KIRREL3: variants seen among roughly 807,000 people sequenced by gnomAD.
The protein encoded by KIRREL3 is kin of IRRE-like protein 3.
KIRREL3 carries 36 observed loss-of-function variants against 89.7 expected under a neutral mutation model. That is an observed-to-expected ratio of 0.40 (90% CI 0.31 to 0.53). KIRREL3 has a LOEUF of 0.53. Among genes scored for constraint, KIRREL3 ranks in the 20% least tolerant of loss-of-function variants. The probability of loss-of-function intolerance (pLI) is 0.49; values close to 1 mark genes in which losing one functional copy is unlikely to be tolerated. For missense variants in KIRREL3, 864 were observed against 1,056.6 expected (o/e 0.82, Z 2.53); for synonymous variants, 445 against 441.4 (o/e 1.01, Z -0.10).
rs531839490 is a variant in KIRREL3 at position 126,426,851 on chromosome 11, C to T, written c.1807-1127G>A. ...AAGGAGACCATGCGGTTCATTTTTC[C>T]AGTAAATGCTCTGGCACTGTCTGGA... is the stretch of plus-strand genomic sequence containing the variant. On this transcript the variant is annotated intron_variant, in intron 15 of 16. Transcript: ENST00000525144. Among the ~76,000 whole-genome samples the T allele has an allele frequency of 3.9e-5, 6 of 152,348 alleles. No individual in the cohort carries two copies. The East Asian group carries it at 1.2e-3, about 29-fold the overall frequency.
Position 126,608,810 on chromosome 11 carries a change from C to T in KIRREL3, c.56-45898G>A, listed in dbSNP as rs548067839. 2.6e-5 allele frequency among the ~76,000 whole-genome samples: 4 copies of T among 152,270 alleles called. No homozygotes were observed. In the East Asian group the frequency reaches 7.7e-4, roughly 29 times the overall value. ...ACTTGCATTTCCTGGGGCCTAACTG[C>T]TGGGAGTGCACTTCTGGAGTGGAGA... On this transcript the variant is annotated intron_variant, in intron 1 of 16. Transcript: ENST00000525144. The surrounding 1 kb of genome is among the most constrained non-coding windows in gnomAD (Gnocchi z 4.9).
chr11:126,596,108 C>G (rs1481736426), intron 1 of KIRREL3, among the ~76,000 whole-genome samples: 1 of 152,160 alleles, frequency 6.6e-6, no homozygotes, highest in Non-Finnish European at 1.5e-5. Flanking sequence ...GAAAGCCCTA[C>G]GAGCCTGGCT....
intron 7 of KIRREL3, 29 bp from the exon 8 acceptor site, chr11:126,449,186 G>A (rs767444382): frequency 1.2e-6 from 2 of 1,609,748 alleles, no homozygotes; most frequent in Non-Finnish European, 1.7e-6. Flanking sequence ...GCTGATGTGG[G>A]CCTTGAGTGG....
chr11:126,852,275 A>G (rs1944369013), intron 1 of KIRREL3, among the ~76,000 whole-genome samples: 1 of 151,990 alleles, frequency 6.6e-6, no homozygotes, highest in African/African-American at 2.4e-5. Flanking sequence ...GATGGTCTCG[A>G]TCTTTCGACC....
intron 1 of KIRREL3, among the ~76,000 whole-genome samples, chr11:126,637,904 A>G (rs569503005): frequency 5.9e-5 from 9 of 152,340 alleles, no homozygotes; most frequent in African/African-American, 1.7e-4. Flanking sequence ...TGACCATTGT[A>G]CAGTGGAAAA....
rs976172017 is a variant in KIRREL3 at position 126,754,115 on chromosome 11, C to A, written c.56-191203G>T. ...TCTGTTTTCCCTGGAAACTGCATAACCATTTGAATTAATTTAATTTGAAAT... is the reference window on the plus strand; with the variant it reads ...TCTGTTTTCCCTGGAAACTGCATAAACATTTGAATTAATTTAATTTGAAAT... On this transcript the variant is annotated intron_variant, in intron 1 of 16. Transcript: ENST00000525144. This position sits in a 1 kb window ranked among gnomAD's most constrained non-coding sequence, Gnocchi z 5.1. 6.6e-6 allele frequency among the ~76,000 whole-genome samples: 1 copy of A among 152,086 alleles called. No homozygotes were observed. Among genetic ancestry groups the A allele is most frequent in the Non-Finnish European group, 1.5e-5 (1 of 68,028 alleles).
At chr11:126,507,727 G>A (rs1357226732) in intron 4 of KIRREL3, among the ~76,000 whole-genome samples, 1 of 152,176 alleles carries the variant, frequency 6.6e-6, no homozygotes, top group Non-Finnish European at 1.5e-5. Flanking sequence ...TCTAATCAAA[G>A]GTTTTTGAGG....
At chr11:126,449,850 C>T (rs1955960896) in intron 7 of KIRREL3, among the ~76,000 whole-genome samples, 1 of 152,226 alleles carries the variant, frequency 6.6e-6, no homozygotes, top group African/African-American at 2.4e-5. Flanking sequence ...TCTCCTCGCC[C>T]CAGAAAGTCC....
intron 11 of KIRREL3, among the ~76,000 whole-genome samples, chr11:126,439,716 C>T (rs781370252): frequency 4.6e-5 from 7 of 151,066 alleles, no homozygotes; most frequent in South Asian, 2.1e-4. Context: ...ACTCAAGAGG[C>T]GCTGAGGCAT....
intron 1 of KIRREL3, among the ~76,000 whole-genome samples, chr11:126,871,272 G>A (rs1945099431): frequency 6.6e-6 from 1 of 152,150 alleles, no homozygotes; most frequent in Non-Finnish European, 1.5e-5. Flanking sequence ...TTCTAAGTCT[G>A]AGTGGGGAGG....
Position 126,510,009 on chromosome 11 carries a change from A to AAAAG in KIRREL3, c.433+11305_433+11306insCTTT, listed in dbSNP as rs1332007639. ...TCCGTCTCAAAAAAAAAAAAAAAAA[A>AAAAG]AAAAAAAAAGAAAAAAGAAAAAAAG... is the stretch of plus-strand genomic sequence containing the variant. On this transcript the variant is annotated intron_variant, in intron 4 of 16. Transcript: ENST00000525144. 7.3e-4 allele frequency among the ~76,000 whole-genome samples: 109 copies of AAAAG among 150,110 alleles called. 2 individuals are homozygous for AAAAG. The highest frequency in any genetic ancestry group is 2.4e-3 in the African/African-American group (98 of 40,530).
In KIRREL3 at chr11:126,636,719, T is replaced by A. The variant is rs766419175; in HGVS notation, c.56-73807A>T. Reference sequence around the variant, plus strand: ...TTTGCTGGTTACGGTTGTGGCCTGATGGGCTAAGCTAGGCCCTTTGTACCA... The same window carrying A: ...TTTGCTGGTTACGGTTGTGGCCTGAAGGGCTAAGCTAGGCCCTTTGTACCA... On this transcript the variant is annotated intron_variant, in intron 1 of 16. Coordinates refer to ENST00000525144, the MANE Select transcript of KIRREL3 (RefSeq NM_032531.4). The surrounding 1 kb of genome is among the most constrained non-coding windows in gnomAD (Gnocchi z 4.4). Among the ~76,000 whole-genome samples the A allele has an allele frequency of 6.6e-6, 1 of 152,224 alleles. No individual in the cohort carries two copies. Among genetic ancestry groups the A allele is most frequent in the Non-Finnish European group, 1.5e-5 (1 of 68,044 alleles).
chr11:126,885,144 A>C (rs543656625), intron 1 of KIRREL3, among the ~76,000 whole-genome samples: 10 of 152,308 alleles, frequency 6.6e-5, no homozygotes, highest in African/African-American at 2.4e-4. Flanking sequence ...GGCCATGGGT[A>C]CTATATTCTT....
chr11:126,894,455 C>A (rs1314230865), intron 1 of KIRREL3, among the ~76,000 whole-genome samples: 1 of 145,900 alleles, frequency 6.9e-6, no homozygotes, highest in Non-Finnish European at 1.5e-5. Flanking sequence ...ATGCTTATGA[C>A]CCTAACAGTT....
intron 1 of KIRREL3, among the ~76,000 whole-genome samples, chr11:126,691,327 G>A (rs1255923037): frequency 2.0e-5 from 3 of 152,234 alleles, no homozygotes; most frequent in South Asian, 2.1e-4. Context: ...CAGCAGACAT[G>A]TATGAGAACG....
At chr11:126,818,965 G>A (rs1175803811) in intron 1 of KIRREL3, among the ~76,000 whole-genome samples, 4 of 152,110 alleles carry the variant, frequency 2.6e-5, no homozygotes, top group African/African-American at 9.7e-5. Context: ...TAACCCATGG[G>A]GAACACTCAA....
chr11:126,530,754 C>T lies in KIRREL3; in HGVS notation c.134-4067G>A, dbSNP rs937821827. On this transcript the variant is annotated intron_variant, in intron 2 of 16. Transcript: ENST00000525144. This position sits in a 1 kb window ranked among gnomAD's most constrained non-coding sequence, Gnocchi z 5.8. ...CCCAGGGTTTCCATCTTCTCCGCTT[C>T]GCATTTTCCCTGATGATGTTCCCCT... Among the ~76,000 whole-genome samples the T allele has an allele frequency of 6.6e-6, 1 of 152,236 alleles. No homozygotes were observed. The highest frequency in any genetic ancestry group is 2.1e-4 in the South Asian group (1 of 4,832).
rs970458592 is a variant in KIRREL3, at chr11:126,430,317, C to T, written c.1697-1029G>A. ...AAAAATAGCAAGGCATGATGGCACA[C>T]GCCTGTAATCCCAGCGACTCAGGAG... On this transcript the variant is annotated intron_variant, in intron 14 of 16. Transcript: ENST00000525144. The surrounding 1 kb of genome is among the most constrained non-coding windows in gnomAD (Gnocchi z 6.6). Among the ~76,000 whole-genome samples, 4 of 152,070 alleles carry T rather than the reference C, an allele frequency of 2.6e-5. No individual in the cohort carries two copies. Among genetic ancestry groups the T allele is most frequent in the East Asian group, 1.9e-4 (1 of 5,192 alleles).
At position 126,587,870 on chromosome 11, in the gene KIRREL3, G is replaced by A. The variant is rs1941943046; in HGVS notation, c.56-24958C>T. Among the ~76,000 whole-genome samples, 1 of 152,170 alleles carries A rather than the reference G, an allele frequency of 6.6e-6. No homozygotes were observed. The highest frequency in any genetic ancestry group is 2.4e-5 in the African/African-American group (1 of 41,426). Reference sequence around the variant, plus strand: ...TCACTTCTTTTTAGTTTTCATGAGAGTGAGTGAATGCAAGGAATGAATGAC... The same window carrying A: ...TCACTTCTTTTTAGTTTTCATGAGAATGAGTGAATGCAAGGAATGAATGAC... On this transcript the variant is annotated intron_variant, in intron 1 of 16. Transcript: ENST00000525144. This position sits in a 1 kb window ranked among gnomAD's most constrained non-coding sequence, Gnocchi z 5.2.
Sources: gnomAD v4.1 joint callset for allele counts (sites outside exome capture counted in the v4.1 genomes callset) on GRCh38, gnomAD v4.1.1 for gene constraint, Gnocchi (gnomAD v3.1) non-coding constraint, MANE v1.5 for transcripts, NCBI Gene and HGNC (gene_info 2026-07-23, HGNC 2026-07-21) for gene names.